The following GET4 variants were observed in gnomAD, a reference collection of about 807,000 sequenced individuals.
GET4 encodes guided entry of tail-anchored proteins factor 4.
Under a neutral mutation model 40.0 loss-of-function variants are expected in GET4, and 20 were observed. That is an observed-to-expected ratio of 0.50 (90% CI 0.35 to 0.73). The LOEUF (loss-of-function observed/expected upper bound fraction) is 0.73. GET4 is among the 30% of genes least tolerant of loss of function. The pLI, the probability that GET4 is intolerant of heterozygous loss-of-function variation, is 0.01. For missense variants in GET4, 557 were observed against 454.0 expected (o/e 1.23, Z -2.06); for synonymous variants, 280 against 194.6 (o/e 1.44, Z -3.65).
At chr7:878,157 T>G (rs1453066965) in intron 1 of GET4, 28 of 423,366 alleles carry the variant, frequency 6.6e-5, no homozygotes, top group East Asian at 4.3e-4. Context: ...CGGTGTAGCC[T>G]GGAGGGCGAG....
intron 1 of GET4, chr7:883,649 G>A (rs534594682): frequency 2.4e-5 from 24 of 985,488 alleles, no homozygotes; most frequent in African/African-American, 8.7e-5. Context: ...CACATGGCAC[G>A]GCCAATAGTG....
intron 8 of GET4, among the ~76,000 whole-genome samples, chr7:894,596 A>G (rs1009959923): frequency 2.6e-5 from 4 of 151,446 alleles, no homozygotes; most frequent in Admixed American, 2.6e-4. Flanking sequence ...TGACACAGGC[A>G]CCTCCACCCC....
intron 2 of GET4, 165 bp downstream of exon 2, chr7:886,299 C>T: frequency 1.6e-6 from 1 of 619,250 alleles, no homozygotes; most frequent in South Asian, 1.9e-5. Context: ...GGCTTGGCTG[C>T]TCCACTCTCA....
At chr7:886,229 C>T (rs77660844) in intron 2 of GET4, 95 bp downstream of exon 2, 114,525 of 834,698 alleles carry the variant, frequency 0.14, 8,981 homozygotes, top group South Asian at 0.24. Flanking sequence ...GGCAACCTTG[C>T]GCTGCCCTGG....
intron 5 of GET4, 85 bp downstream of exon 5, chr7:891,151 C>T (rs536246178): frequency 5.3e-5 from 56 of 1,065,070 alleles, no homozygotes; most frequent in South Asian, 2.4e-4. Flanking sequence ...GTCCCCTGTC[C>T]GAGCCGAGCT....
intron 2 of GET4, 39 bp from the exon 3 acceptor site, chr7:886,530 G>T: frequency 6.8e-7 from 1 of 1,477,148 alleles, no homozygotes; most frequent in East Asian, 2.3e-5. Context: ...ACAGGTCAGG[G>T]CTTTGTTCTT....
chr7:877,445 C>G (rs1378304180), intron 1 of GET4, among the ~76,000 whole-genome samples: 1 of 112,854 alleles, frequency 8.9e-6, no homozygotes, highest in Non-Finnish European at 1.9e-5. Flanking sequence ...ACTCCCGTCT[C>G]TCTACCCTGC....
At chr7:885,271 G>C (rs1157745328) in intron 1 of GET4, 2 of 152,282 alleles carry the variant, frequency 1.3e-5, no homozygotes, top group Non-Finnish European at 2.9e-5. Flanking sequence ...CACTGGACTG[G>C]GAGGTGCAGC....
intron 1 of GET4, chr7:883,790 C>T (rs1340512291): frequency 4.0e-6 from 4 of 988,154 alleles, no homozygotes; most frequent in Non-Finnish European, 4.8e-6. Context: ...TCGCAGCTTC[C>T]AGAATTCTCC....
intron 4 of GET4, 119 bp downstream of exon 4, chr7:887,638 C>G: frequency 5.3e-6 from 4 of 757,116 alleles, no homozygotes; most frequent in Non-Finnish European, 7.6e-6. Context: ...ACCCTGTGGT[C>G]ACGCGGGCCG....
intron 4 of GET4, among the ~76,000 whole-genome samples, chr7:888,873 C>G (rs1307175856): frequency 6.6e-6 from 1 of 152,248 alleles, no homozygotes; most frequent in African/African-American, 2.4e-5. Flanking sequence ...AGGAGCTGCC[C>G]CCACCCCCTG....
chr7:881,143 G>A (rs1844077612), intron 1 of GET4: 1 of 152,184 alleles, frequency 6.6e-6, no homozygotes, highest in African/African-American at 2.4e-5. Context: ...GGGATTATAG[G>A]TGGGAGCCAT....
At position 891,030 on chromosome 7, in the gene GET4, G is replaced by A; in HGVS notation, c.569G>A (p.Ser190Asn). ...VEYSTSRGFRSEVDMFVAQAV... is the reference protein window; with the variant it reads ...VEYSTSRGFRNEVDMFVAQAV... ...TATTCCACGTCCCGCGGCTTCCGCA[G>A]CGAGGTGGACATGTTCGTGGCCCAG... Residue 190 changes from serine (S) to asparagine (N), a missense_variant, in exon 5 of 9, where the codon AGC becomes AAC. Transcript: ENST00000265857. 1 of 1,610,794 alleles carries A rather than the reference G, an allele frequency of 6.2e-7. No individual in the cohort carries two copies. The highest frequency in any genetic ancestry group is 8.5e-7 in the Non-Finnish European group (1 of 1,177,572).
chr7:884,449 C>T, intron 1 of GET4: 1 of 1,030,990 alleles, frequency 9.7e-7, no homozygotes, highest in Non-Finnish European at 1.3e-6. Context: ...AACCGGAGGC[C>T]TGCCAACGGC....
intron 1 of GET4, chr7:878,022 A>G (rs1844003428): frequency 4.0e-6 from 1 of 250,236 alleles, no homozygotes; most frequent in Non-Finnish European, 8.2e-6. Flanking sequence ...CTCCGTAGGA[A>G]GTCGCTGGCG....
At chr7:884,951 T>G (rs1844158428) in intron 1 of GET4, 1 of 152,214 alleles carries the variant, frequency 6.6e-6, no homozygotes, top group African/African-American at 2.4e-5. Context: ...CCAGCTAATT[T>G]CTGTGTTTTT....
intron 1 of GET4, chr7:877,790 C>G (rs1460893067): frequency 1.4e-5 from 1 of 73,086 alleles, no homozygotes; most frequent in East Asian, 3.9e-4. Flanking sequence ...TGTTCCCCTC[C>G]CCGTGGCCTT....
At chr7:884,150 C>T (rs918026765) in intron 1 of GET4, 13 of 1,278,680 alleles carry the variant, frequency 1.0e-5, no homozygotes, top group South Asian at 9.0e-5. Context: ...GCATCCAGAA[C>T]GCTGTAGTAT....
At chr7:877,829 C>A (rs1843995960) in intron 1 of GET4, 1 of 87,834 alleles carries the variant, frequency 1.1e-5, no homozygotes, top group Non-Finnish European at 2.4e-5. Flanking sequence ...CCCCCGGCCC[C>A]CCGCCTTTCT....
Sources: allele counts gnomAD v4.1 joint callset (sites outside exome capture counted in the v4.1 genomes callset), GRCh38; gene constraint gnomAD v4.1.1; transcripts MANE v1.5; gene names NCBI Gene and HGNC (gene_info 2026-07-23, HGNC 2026-07-21).